The following MRFAP1L2 variants were observed in gnomAD, a reference collection of about 807,000 sequenced individuals.
The protein encoded by MRFAP1L2 is Morf4 family associated protein 1 like 2, also known as MORF4 family-associated protein 1-like protein UPP.
the MRFAP1L2 span, chr4:6,674,266 C>T: frequency 1.5e-5 from 7 of 460,332 alleles, no homozygotes; most frequent in Non-Finnish European, 2.7e-5. Context: ...AGCCGGGCAG[C>T]CCGCTGAGCC....
chr4:6,674,290 C>T, the MRFAP1L2 span: 15 of 523,478 alleles, frequency 2.9e-5, no homozygotes, highest in South Asian at 3.5e-4. Flanking sequence ...CGCCCCGCGC[C>T]GGCCGCGAGA....
the MRFAP1L2 span, chr4:6,674,198 A>G: frequency 1.3e-5 from 5 of 393,006 alleles, no homozygotes; most frequent in African/African-American, 2.1e-5. Context: ...GCGGGCTGGA[A>G]GAGGCGGCGG....
At chr4:6,674,880 C>T in the MRFAP1L2 span, 4 of 321,072 alleles carry the variant, frequency 1.2e-5, no homozygotes, top group South Asian at 6.9e-5. Flanking sequence ...GATGACCTTC[C>T]TGCAGGTGGA....
chr4:6,674,916 T>G, the MRFAP1L2 span: 1 of 233,330 alleles, frequency 4.3e-6, no homozygotes, highest in Non-Finnish European at 8.3e-6. Context: ...TGGTTGGGTT[T>G]GTTTGACTCC....
chr4:6,674,376 T>TGCTCGAC, the MRFAP1L2 span: 1 of 647,962 alleles, frequency 1.5e-6, no homozygotes, highest in Admixed American at 2.4e-5. Context: ...ATCCAGAGCC[T>TGCTCGAC]GCTCGACGCC....
the MRFAP1L2 span, chr4:6,674,779 C>T: frequency 2.4e-5 from 12 of 491,072 alleles, no homozygotes; most frequent in African/African-American, 2.1e-4. Context: ...AGGACGTAGA[C>T]CTGGTGGGTC....
chr4:6,674,950 A>G, the MRFAP1L2 span: 118 of 178,542 alleles, frequency 6.6e-4, no homozygotes, highest in Non-Finnish European at 1.1e-3. Context: ...ATCAAGCTCA[A>G]AATTTATGTT....
At chr4:6,674,436 C>G in the MRFAP1L2 span, 3 of 656,930 alleles carry the variant, frequency 4.6e-6, no homozygotes, top group African/African-American at 3.8e-5. Context: ...GCCCCAGCAC[C>G]CCGCCCGCGT....
chr4:6,674,353 G>A, the MRFAP1L2 span: 443 of 636,182 alleles, frequency 7.0e-4, 3 homozygotes, highest in African/African-American at 7.2e-3. Context: ...GGGCCCGCAG[G>A]AAGCTGCTGG....
At chr4:6,674,297 G>C in the MRFAP1L2 span, 51 of 543,670 alleles carry the variant, frequency 9.4e-5, no homozygotes, top group Middle Eastern at 4.6e-4. Flanking sequence ...CGCCGGCCGC[G>C]AGAACCTGGC....
At chr4:6,675,652 T>G in the MRFAP1L2 span, 3 of 152,256 alleles carry the variant, frequency 2.0e-5, no homozygotes, top group African/African-American at 7.2e-5. Context: ...TGTTAACTGG[T>G]GCACATCGTG....
chr4:6,674,580 A>G, the MRFAP1L2 span: 1 of 632,572 alleles, frequency 1.6e-6, no homozygotes, highest in Non-Finnish European at 2.8e-6. Flanking sequence ...TGAGCCGGCG[A>G]GGCCGCGCGG....
the MRFAP1L2 span, chr4:6,674,111 C>G: frequency 2.6e-6 from 1 of 382,448 alleles, no homozygotes; most frequent in East Asian, 3.8e-5. Flanking sequence ...AAAGTTGGGG[C>G]AACCTGTTGC....
chr4:6,674,335 G>T, the MRFAP1L2 span: 2 of 628,792 alleles, frequency 3.2e-6, no homozygotes, highest in Admixed American at 5.1e-5. Flanking sequence ...GCGCCCGGGC[G>T]CACTGGCGGG....
the MRFAP1L2 span, chr4:6,674,487 C>G: frequency 1.5e-6 from 1 of 668,298 alleles, no homozygotes; most frequent in Non-Finnish European, 2.7e-6. Context: ...TGCGCCGAAG[C>G]AGAGAGGAAG....
chr4:6,674,248 C>T, the MRFAP1L2 span: 2 of 423,934 alleles, frequency 4.7e-6, no homozygotes, highest in Non-Finnish European at 8.3e-6. Context: ...CGCGGGAGCC[C>T]CGCGAGGAGC....
chr4:6,674,730 ATGT>A, the MRFAP1L2 span: 4 of 522,898 alleles, frequency 7.6e-6, 1 homozygote, highest in Non-Finnish European at 1.3e-5. Context: ...ATAATTTGAT[ATGT>A]TGTTGTAAAG....
chr4:6,674,138 G>T, the MRFAP1L2 span: 1 of 386,228 alleles, frequency 2.6e-6, no homozygotes, highest in Non-Finnish European at 4.6e-6. Flanking sequence ...GGTCGTTGGT[G>T]ACAGCGAGGC....
At chr4:6,674,082 G>A in the MRFAP1L2 span, 8 of 389,432 alleles carry the variant, frequency 2.1e-5, no homozygotes, top group South Asian at 4.3e-4. Context: ...GCCCATTTTG[G>A]ATACCGTCCT....
Sources: allele counts gnomAD v4.1 joint callset, GRCh38; gene constraint gnomAD v4.1.1; transcripts MANE v1.5; gene names NCBI Gene and HGNC (gene_info 2026-07-23, HGNC 2026-07-21).